The following GPD2 variants were observed in gnomAD, a reference collection of about 807,000 sequenced individuals.
GPD2 encodes the protein glycerol-3-phosphate dehydrogenase, mitochondrial.
Under a neutral mutation model 82.4 loss-of-function variants are expected in GPD2, and 54 were observed. The ratio of observed to expected loss-of-function variants is 0.66; its 90% CI spans 0.53 to 0.82. The LOEUF (loss-of-function observed/expected upper bound fraction) is 0.82. GPD2 is among the 40% of genes least tolerant of loss of function. The pLI is 0.00. For synonymous variants in GPD2, 288 were observed against 306.1 expected, an observed-to-expected ratio of 0.94 and a Z score of 0.62; for missense variants, 748 against 896.2, an observed-to-expected ratio of 0.83 and a Z score of 2.11.
intron 2 of GPD2, among the ~76,000 whole-genome samples, chr2:156,484,578 G>A (rs1460313585): frequency 1.3e-5 from 2 of 152,048 alleles, no homozygotes; most frequent in African/African-American, 4.8e-5. Flanking sequence ...GGTGGCTCAT[G>A]CCTGTAATCC....
intron 13 of GPD2, among the ~76,000 whole-genome samples, chr2:156,572,700 A>G (rs548732359): frequency 2.6e-5 from 4 of 152,358 alleles, no homozygotes; most frequent in South Asian, 4.1e-4. Flanking sequence ...GTTTAGAAGC[A>G]TAGGATATAA....
At chr2:156,565,650 A>T (rs537499656) in intron 9 of GPD2, among the ~76,000 whole-genome samples, 1 of 152,256 alleles carries the variant, frequency 6.6e-6, no homozygotes, top group South Asian at 2.1e-4. Flanking sequence ...GGTGATGGGT[A>T]TCTACTCTTT....
chr2:156,510,820 GA>G lies in GPD2; in HGVS notation c.300del (p.Asp101MetfsTer14). 6.2e-7 allele frequency: 1 copy of G among 1,613,072 alleles called. No individual in the cohort carries two copies. Among genetic ancestry groups the G allele is most frequent in the Non-Finnish European group, 8.5e-7 (1 of 1,179,174 alleles). Reference protein sequence around the residue: ...TRGLKTALVERDDFSSGTSSR... With the variant: ...TRGLKTALVEXDDFSSGTSSR... Reference sequence around the variant, plus strand: ...GGACTAAAAACAGCCCTTGTAGAAAGAGATGATTTCTCATCAGGGACCAGCA... The same window carrying G: ...GGACTAAAAACAGCCCTTGTAGAAAGGATGATTTCTCATCAGGGACCAGCA... On this transcript the variant is annotated frameshift_variant, in exon 4 of 17. Transcript: ENST00000438166. LOFTEE classifies it high-confidence loss of function.
chr2:156,452,423 G>A (rs892325243), intron 1 of GPD2, among the ~76,000 whole-genome samples: 3 of 152,240 alleles, frequency 2.0e-5, no homozygotes, highest in Non-Finnish European at 2.9e-5. Flanking sequence ...GCGCGGCGGC[G>A]CGCACCTGCA....
At chr2:156,524,111 T>C (rs989392921) in intron 6 of GPD2, among the ~76,000 whole-genome samples, 4 of 152,130 alleles carry the variant, frequency 2.6e-5, no homozygotes, top group Non-Finnish European at 5.9e-5. Flanking sequence ...TTATACTCAA[T>C]AGGTAGCTTT....
At position 156,440,679 on chromosome 2, in the gene GPD2, A is replaced by G. The variant is rs560535521; in HGVS notation, c.-9+4166A>G. Reference sequence around the variant, plus strand: ...AATTTCTGATTTATGCAGCAAAAACATGATTTCTGATTTATTTAGGTCAAG... The same window carrying G: ...AATTTCTGATTTATGCAGCAAAAACGTGATTTCTGATTTATTTAGGTCAAG... On this transcript the variant is annotated intron_variant, in intron 1 of 16. Coordinates refer to ENST00000438166, the MANE Select transcript of GPD2 (RefSeq NM_000408.5). Among the ~76,000 whole-genome samples the G allele has an allele frequency of 7.2e-5, 11 of 152,332 alleles. No homozygotes were observed. In the East Asian group the frequency reaches 1.5e-3, roughly 21 times the overall value.
chr2:156,426,719 G>A, the GPD2 span, among the ~76,000 whole-genome samples: 2 of 152,156 alleles, frequency 1.3e-5, no homozygotes, highest in Non-Finnish European at 2.9e-5. Context: ...GCTCAGAGAA[G>A]CCTTTTGTCC....
chr2:156,578,927 A>C lies in GPD2; in HGVS notation c.1806A>C (p.Glu602Asp), dbSNP rs774528549. 1 of 1,611,342 alleles carries C rather than the reference A, an allele frequency of 6.2e-7. No homozygotes were observed. The highest frequency in any genetic ancestry group is 1.7e-5 in the Admixed American group (1 of 60,000). ...LETARKFLYY[E>D]MGYKSRSEQL... ...CAGCCAGGAAGTTTCTATATTATGA[A>C]ATGGGCTATAAATCTCGATCAGAAC... The change falls in exon 14 of 17, where the codon GAA (glutamate) becomes GAC (aspartate). Residue 602 changes from glutamate to aspartate, a missense_variant. By Grantham distance (45) the Glu-to-Asp change is conservative (BLOSUM62 2). This residue lies in a region of GPD2 where 692 missense variants were observed against 809.7 expected (regional missense o/e 0.85). Coordinates refer to ENST00000438166, the MANE Select transcript of GPD2 (RefSeq NM_000408.5).
chr2:156,440,017 T>C (rs549204026), intron 1 of GPD2, among the ~76,000 whole-genome samples: 7 of 152,206 alleles, frequency 4.6e-5, no homozygotes, highest in African/African-American at 1.2e-4. Flanking sequence ...AATTGTTACT[T>C]GGGAGATAGA....
intron 2 of GPD2, among the ~76,000 whole-genome samples, chr2:156,480,020 A>G (rs1031477569): frequency 6.6e-6 from 1 of 152,158 alleles, no homozygotes; most frequent in Non-Finnish European, 1.5e-5. Flanking sequence ...TTTTAGATCA[A>G]GTTGATTGTG....
At chr2:156,489,440 A>T (rs562755839) in intron 2 of GPD2, among the ~76,000 whole-genome samples, 2 of 152,200 alleles carry the variant, frequency 1.3e-5, no homozygotes, top group African/African-American at 4.8e-5. Context: ...TACTTGATTT[A>T]GCTGCATGTT....
At chr2:156,571,439 A>C (rs1687637990) in intron 13 of GPD2, 147 bp downstream of exon 13, 1 of 454,580 alleles carries the variant, frequency 2.2e-6, no homozygotes, top group Non-Finnish European at 3.9e-6. Flanking sequence ...GTTAGGCCTT[A>C]GGAAAATGGA....
At chr2:156,401,264 C>T in the GPD2 span, among the ~76,000 whole-genome samples, 3 of 152,104 alleles carry the variant, frequency 2.0e-5, no homozygotes, top group African/African-American at 7.2e-5. Context: ...ACACTTACAC[C>T]CTGGTAATTC....
At chr2:156,464,548 G>C (rs1316118906) in intron 1 of GPD2, among the ~76,000 whole-genome samples, 1 of 152,106 alleles carries the variant, frequency 6.6e-6, no homozygotes, top group Non-Finnish European at 1.5e-5. Flanking sequence ...CAGAGTGACT[G>C]GTCTTCCCAC....
At chr2:156,406,044 C>CTT in the GPD2 span, among the ~76,000 whole-genome samples, 2 of 140,720 alleles carry the variant, frequency 1.4e-5, no homozygotes, top group African/African-American at 2.6e-5. Context: ...AAAGCAATGC[C>CTT]TTTTTTTTTT....
the GPD2 span, among the ~76,000 whole-genome samples, chr2:156,411,937 A>G: frequency 6.6e-6 from 1 of 152,226 alleles, no homozygotes; most frequent in Admixed American, 6.5e-5. Flanking sequence ...AGGAAAACCA[A>G]CCTCACTCAG....
At chr2:156,418,355 A>G in the GPD2 span, among the ~76,000 whole-genome samples, 1 of 152,082 alleles carries the variant, frequency 6.6e-6, no homozygotes, top group East Asian at 1.9e-4. Context: ...GCGCTACTAC[A>G]CTCCGGCCTG....
intron 1 of GPD2, among the ~76,000 whole-genome samples, chr2:156,456,232 A>G (rs1046451456): frequency 6.6e-6 from 1 of 152,218 alleles, no homozygotes; most frequent in Non-Finnish European, 1.5e-5. Context: ...TCTGGTGCCC[A>G]CTTAGAATTG....
intron 2 of GPD2, among the ~76,000 whole-genome samples, chr2:156,476,580 C>A (rs1683521262): frequency 6.6e-6 from 1 of 152,092 alleles, no homozygotes; most frequent in Non-Finnish European, 1.5e-5. Flanking sequence ...AGGCAGGCAG[C>A]TGAGAAAGGA....
Sources: allele counts gnomAD v4.1 joint callset (sites outside exome capture counted in the v4.1 genomes callset), GRCh38; gene constraint gnomAD v4.1.1; regional missense constraint gnomAD v4.1.1; transcripts MANE v1.5; gene names NCBI Gene and HGNC (gene_info 2026-07-23, HGNC 2026-07-21).